NASP: variants seen among roughly 807,000 people sequenced by gnomAD.
The protein encoded by NASP is nuclear autoantigenic sperm protein, also known as NASP histone chaperone.
A neutral mutation model predicts 89.5 loss-of-function variants in NASP; 24 were observed. The observed-to-expected ratio is 0.27, with a 90% CI of 0.19 to 0.38. NASP has a LOEUF of 0.38. Ranked by LOEUF, NASP falls within the 10% of genes least tolerant of loss-of-function variation. The pLI, the probability that NASP is intolerant of heterozygous loss-of-function variation, is 1.00. For missense variants in NASP, 848 were observed against 921.4 expected, an observed-to-expected ratio of 0.92 and a Z score of 1.03; for synonymous variants, 306 against 324.7, an observed-to-expected ratio of 0.94 and a Z score of 0.62.
intron 6 of NASP, chr1:45,609,461 G>T (rs1268161789): frequency 6.6e-6 from 1 of 151,656 alleles, no homozygotes; most frequent in Non-Finnish European, 1.5e-5. Flanking sequence ...AGCTTTAGGA[G>T]TTCTTTATGG....
chr1:45,613,847 T>C (rs1439881341), intron 7 of NASP, among the ~76,000 whole-genome samples: 1 of 152,098 alleles, frequency 6.6e-6, no homozygotes, highest in African/African-American at 2.4e-5. Context: ...CCTTTATTCA[T>C]GCCTAGGATG....
At chr1:45,611,358 A>C (rs535116278) in intron 6 of NASP, 2 of 152,102 alleles carry the variant, frequency 1.3e-5, no homozygotes, top group African/African-American at 4.8e-5. Flanking sequence ...AAATTCCTAT[A>C]ATTGCTTCAG....
Position 45,616,237 on chromosome 1 carries a change from G to T in NASP, c.2023-100G>T. Reference sequence around the variant, plus strand: ...TATATGGAGGCCACTAGCATTTCAGGTCTTAGTCAGTTGTTTGGATGGTGA... The same window carrying T: ...TATATGGAGGCCACTAGCATTTCAGTTCTTAGTCAGTTGTTTGGATGGTGA... On this transcript the variant is annotated intron_variant, in intron 11 of 14. Transcript: ENST00000350030. 2.7e-6 allele frequency: 3 copies of T among 1,097,650 alleles called. No homozygotes were observed. In the Admixed American group the frequency reaches 5.1e-5, roughly 19 times the overall value. The allele number at this position is 1,097,650 out of a possible 1,614,324, so 68.0% of individuals were successfully genotyped here. A position where few individuals can be genotyped will look rare whatever the true frequency, so the allele number is the denominator to read the frequency against.
intron 14 of NASP, 78 bp from the exon 15 acceptor site, chr1:45,617,983 A>G (rs563538092): frequency 6.8e-5 from 89 of 1,314,646 alleles, no homozygotes; most frequent in Non-Finnish European, 8.8e-5. Context: ...TATGCTTCCT[A>G]TGACTGAGGC....
intron 1 of NASP, among the ~76,000 whole-genome samples, chr1:45,588,285 G>A (rs1644587096): frequency 6.6e-6 from 1 of 151,082 alleles, no homozygotes. Flanking sequence ...TGTATTTTTA[G>A]TAGAAATGAG....
intron 1 of NASP, among the ~76,000 whole-genome samples, chr1:45,587,169 A>G (rs934133441): frequency 1.8e-4 from 27 of 152,050 alleles, no homozygotes; most frequent in Non-Finnish European, 3.4e-4. Flanking sequence ...TTAGCTTTCT[A>G]ACTAGTTCTT....
Position 45,584,216 on chromosome 1 carries a change from CTG to C in NASP, c.59+14_59+15del, listed in dbSNP as rs1431006843. On this transcript the variant is annotated intron_variant, in intron 1 of 14. Coordinates refer to ENST00000350030, the MANE Select transcript of NASP (RefSeq NM_002482.4). ...GGTTTCTGCCGACAAGTAAGCGGGA[CTG>C]TGGAAAGCTTAAGGCACTGGCCAGT... 3.2e-6 allele frequency: 5 copies of C among 1,577,544 alleles called. No homozygotes were observed. The highest frequency in any genetic ancestry group is 4.3e-6 in the Non-Finnish European group (5 of 1,161,200).
intron 6 of NASP, chr1:45,610,217 CTG>C: frequency 6.6e-6 from 1 of 152,208 alleles, no homozygotes; most frequent in East Asian, 1.9e-4. Flanking sequence ...AAAAAAAAAT[CTG>C]TCACTTATTT....
In NASP at chr1:45,602,337, A is replaced by C. The variant is rs1322903525; in HGVS notation, c.190A>C (p.Asn64His). 1 of 1,613,586 alleles carries C rather than the reference A, an allele frequency of 6.2e-7. No individual in the cohort carries two copies. The highest frequency in any genetic ancestry group is 8.5e-7 in the Non-Finnish European group (1 of 1,179,660). Residue 64 changes from asparagine to histidine, a missense_variant, in exon 3 of 15, where the codon AAT becomes CAT. Asn to His is a moderately conservative substitution (Grantham distance 68). Around this residue, in one of 5 missense-constraint regions of NASP, gnomAD observed 89 missense variants for 79.2 expected, o/e 1.12. Transcript: ENST00000350030. ...LVMGDIPAAV[N>H]AFQEAASLLG... is the part of the protein sequence containing the mutation. ...GATGGGGGATATTCCAGCAGCTGTC[A>C]ATGCATTCCAGGAAGCAGCTAGTCT...
Position 45,615,221 on chromosome 1 carries a change from T to C in NASP, c.1855+20T>C, listed in dbSNP as rs1287203851. 1 of 1,612,854 alleles carries C rather than the reference T, an allele frequency of 6.2e-7. No homozygotes were observed. Among genetic ancestry groups the C allele is most frequent in the Non-Finnish European group, 8.5e-7 (1 of 1,179,110 alleles). Reference sequence around the variant, plus strand: ...GAATGGGTGAGTGAAGACGAGCTGCTTCATGGTGATGTTGGATCCAGCAAT... The same window carrying C: ...GAATGGGTGAGTGAAGACGAGCTGCCTCATGGTGATGTTGGATCCAGCAAT... On this transcript the variant is annotated intron_variant, in intron 10 of 14. Transcript: ENST00000350030.
intron 13 of NASP, 129 bp from the exon 14 acceptor site, chr1:45,617,334 G>GA: frequency 9.1e-7 from 1 of 1,096,304 alleles, no homozygotes; most frequent in Non-Finnish European, 1.3e-6. Context: ...TGGCTAGGGA[G>GA]AGAGACCCTT....
chr1:45,586,374 C>A (rs1392576514), intron 1 of NASP, among the ~76,000 whole-genome samples: 1 of 151,828 alleles, frequency 6.6e-6, no homozygotes, highest in African/African-American at 2.4e-5. Context: ...CAGCCCCTAC[C>A]TCCTGGCCTC....
In NASP at chr1:45,606,500, G is replaced by A; in HGVS notation, c.318G>A (p.Leu106=). 1 of 1,613,700 alleles carries A rather than the reference G, an allele frequency of 6.2e-7. No individual in the cohort carries two copies. The highest frequency in any genetic ancestry group is 8.5e-7 in the Non-Finnish European group (1 of 1,179,634). The change falls in exon 5 of 15, where the codon TTG becomes TTA. Residue 106 remains leucine, a synonymous_variant. Coordinates refer to ENST00000350030, the MANE Select transcript of NASP (RefSeq NM_002482.4). ...LELARMENGV[L]GNALEGVHVE... The stretch of plus-strand genomic sequence containing the variant: ...CTCCTAGAATGGAGAATGGTGTGTT[G>A]GGAAACGCCTTGGAAGGTGTGCATG...
chr1:45,590,183 A>G (rs564814096), intron 1 of NASP, among the ~76,000 whole-genome samples: 1 of 152,150 alleles, frequency 6.6e-6, no homozygotes, highest in African/African-American at 2.4e-5. Flanking sequence ...TTTTTTTCCA[A>G]CTATACAAGT....
At chr1:45,587,452 A>G (rs1644569107) in intron 1 of NASP, among the ~76,000 whole-genome samples, 2 of 151,648 alleles carry the variant, frequency 1.3e-5, no homozygotes. Flanking sequence ...GGCTGCAGTT[A>G]TGATTTAATA....
Position 45,607,436 on chromosome 1 carries a change from C to G in NASP, c.525C>G (p.Asp175Glu), listed in dbSNP as rs781377111. The G allele has an allele frequency of 1.9e-6, 3 of 1,613,566 alleles. No individual in the cohort carries two copies. In the African/African-American group the frequency reaches 4.0e-5, roughly 22 times the overall value. Residue 175 changes from aspartate to glutamate, a missense_variant, in exon 6 of 15, where the codon GAC (aspartate) becomes GAG (glutamate). By Grantham distance (45) the Asp-to-Glu change is conservative (BLOSUM62 2). This residue lies in a region of NASP where 464 missense variants were observed against 469.4 expected (regional missense o/e 0.99). Transcript: ENST00000350030. ...AGCCTGAAACTGATAAAGAACAGGA[C>G]AGTGAAATGGAGAAGGGTGGAAGAG... Reference protein sequence around the residue: ...LAKPETDKEQDSEMEKGGRED... With the variant: ...LAKPETDKEQESEMEKGGRED...
At chr1:45,611,893 T>C (rs1470746524) in intron 6 of NASP, 2 of 142,426 alleles carry the variant, frequency 1.4e-5, no homozygotes, top group Non-Finnish European at 3.0e-5. Flanking sequence ...GGAGTCTTGC[T>C]CTGTCACCCA....
chr1:45,590,175 T>C (rs1488033455), intron 1 of NASP, among the ~76,000 whole-genome samples: 2 of 152,180 alleles, frequency 1.3e-5, no homozygotes, highest in African/African-American at 4.8e-5. Flanking sequence ...AATTCATCTT[T>C]TTTTCCAACT....
intron 6 of NASP, chr1:45,611,927 A>ATC (rs1644020958): frequency 7.0e-6 from 1 of 143,434 alleles, no homozygotes. Context: ...TGGTGCGATA[A>ATC]TCCGCTCACT....
Sources: allele counts gnomAD v4.1 joint callset (sites outside exome capture counted in the v4.1 genomes callset), GRCh38; gene constraint gnomAD v4.1.1; regional missense constraint gnomAD v4.1.1; transcripts MANE v1.5; gene names NCBI Gene and HGNC (gene_info 2026-07-23, HGNC 2026-07-21).